The following SLIT3 variants were observed in gnomAD, a reference collection of about 807,000 sequenced individuals.
SLIT3 encodes the protein slit guidance ligand 3.
SLIT3 carries 68 observed loss-of-function variants against 184.0 expected under a neutral mutation model. The observed-to-expected ratio is 0.37, with a 90% CI of 0.30 to 0.45. The LOEUF is 0.45. SLIT3 is among the 20% of genes least tolerant of loss of function. The pLI is 1.00. For synonymous variants in SLIT3, 831 were observed against 828.6 expected (o/e 1.00, Z -0.05); for missense variants, 1,707 against 2,026.0 (o/e 0.84, Z 3.02).
rs35305517 is a variant in SLIT3 at position 168,685,922 on chromosome 5, G to A, written c.3320C>T (p.Pro1107Leu). ...CATGGGTGGGGGGTGTTCACAGAAG[G>A]GTCCACTGGAAGGCAGGAGAGAATG... ...TCTCPQGFSG[P>L]FCEHPPPMVL... The change falls in exon 31 of 36, where the codon CCC (proline) becomes CTC (leucine). Residue 1107 changes from proline (P) to leucine (L), a missense_variant. Around this residue, in one of 3 missense-constraint regions of SLIT3, gnomAD observed 1,307 missense variants for 1,511.6 expected, o/e 0.86. Transcript: ENST00000519560. 1 of 1,608,156 alleles carries A rather than the reference G, an allele frequency of 6.2e-7. No homozygotes were observed.
intron 23 of SLIT3, among the ~76,000 whole-genome samples, chr5:168,721,526 C>T (rs530343337): frequency 5.9e-5 from 9 of 152,190 alleles, no homozygotes; most frequent in East Asian, 1.9e-4. Flanking sequence ...GCCAGGCAGG[C>T]GAGGAGAGTG....
chr5:168,815,606 G>A (rs1172980911), intron 8 of SLIT3, among the ~76,000 whole-genome samples: 1 of 152,246 alleles, frequency 6.6e-6, no homozygotes, highest in Admixed American at 6.5e-5. Flanking sequence ...TGATTTCTAA[G>A]TGGGTGTCTA....
At chr5:168,721,947 A>C (rs1367197268) in intron 23 of SLIT3, among the ~76,000 whole-genome samples, 1 of 152,188 alleles carries the variant, frequency 6.6e-6, no homozygotes, top group Non-Finnish European at 1.5e-5. Flanking sequence ...AGGGTAGAAT[A>C]CAATTGCATA....
At chr5:168,780,548 C>A (rs1332646950) in intron 12 of SLIT3, among the ~76,000 whole-genome samples, 1 of 152,184 alleles carries the variant, frequency 6.6e-6, no homozygotes, top group Non-Finnish European at 1.5e-5. Flanking sequence ...TATGAAGGCT[C>A]TTTGTTATTT....
chr5:168,895,917 C>A (rs1431169525), intron 4 of SLIT3, among the ~76,000 whole-genome samples: 2 of 152,206 alleles, frequency 1.3e-5, no homozygotes, highest in Non-Finnish European at 2.9e-5. Flanking sequence ...TGGGAGGACC[C>A]AATGAACTGC....
intron 3 of SLIT3, among the ~76,000 whole-genome samples, chr5:169,234,775 G>A (rs1765136125): frequency 6.6e-6 from 1 of 152,168 alleles, no homozygotes; most frequent in Non-Finnish European, 1.5e-5. Flanking sequence ...GTTCTTGAAT[G>A]TTCATAATAG....
intron 4 of SLIT3, among the ~76,000 whole-genome samples, chr5:168,972,361 G>GTGTGTGTGTGTGTGTGTGTGTT (rs1362644183): frequency 6.6e-6 from 1 of 151,150 alleles, no homozygotes; most frequent in African/African-American, 2.4e-5. Context: ...GTGTGTGTGT[G>GTGTGTGTGTGTGTGTGTGTGTT]TGTGTGTGTG....
chr5:168,712,375 C>G, intron 23 of SLIT3, 21 bp from the exon 24 acceptor site: 1 of 1,611,988 alleles, frequency 6.2e-7, no homozygotes, highest in Non-Finnish European at 8.5e-7. Flanking sequence ...GGGCACAGGT[C>G]GGAAGGTTAG....
intron 4 of SLIT3, among the ~76,000 whole-genome samples, chr5:168,905,155 G>C (rs1331520080): frequency 6.6e-6 from 1 of 151,028 alleles, no homozygotes; most frequent in East Asian, 2.0e-4. Context: ...CCAGCCTGGG[G>C]ACAGAGCGAG....
At chr5:169,067,860 C>A (rs1221469189) in intron 4 of SLIT3, among the ~76,000 whole-genome samples, 2 of 152,202 alleles carry the variant, frequency 1.3e-5, no homozygotes, top group African/African-American at 4.8e-5. Context: ...GAAAAAGAGA[C>A]AGGCTTAGGC....
intron 5 of SLIT3, among the ~76,000 whole-genome samples, chr5:168,862,799 C>T (rs542217383): frequency 2.0e-5 from 3 of 152,066 alleles, no homozygotes; most frequent in Admixed American, 6.5e-5. Flanking sequence ...TTCAGCTTCC[C>T]GAGTAGCTGG....
At position 168,996,819 on chromosome 5, in the gene SLIT3, C is replaced by T. The variant is rs572800808; in HGVS notation, c.414-113483G>A. On this transcript the variant is annotated intron_variant, in intron 4 of 35. Coordinates refer to ENST00000519560, the MANE Select transcript of SLIT3 (RefSeq NM_003062.4). ...CAGCTACCAATATTTTTACGGCTTC[C>T]GCTGGGATGCAAAAGCAAGTGAGTC... Among the ~76,000 whole-genome samples the T allele has an allele frequency of 9.9e-5, 15 of 152,284 alleles. No individual in the cohort carries two copies. The South Asian group carries it at 1.2e-3, about 13-fold the overall frequency.
chr5:168,715,929 C>G (rs987637445), intron 23 of SLIT3, among the ~76,000 whole-genome samples: 3 of 151,956 alleles, frequency 2.0e-5, no homozygotes, highest in Non-Finnish European at 1.5e-5. Flanking sequence ...GCCTTGGCCC[C>G]CCAAAGTGCT....
intron 3 of SLIT3, among the ~76,000 whole-genome samples, chr5:169,236,505 C>G (rs1425029730): frequency 6.6e-6 from 1 of 151,276 alleles, no homozygotes; most frequent in Non-Finnish European, 1.5e-5. Context: ...CTGAATCTCC[C>G]TGTCACCCAG....
At chr5:168,837,736 C>T (rs1019584888) in intron 6 of SLIT3, among the ~76,000 whole-genome samples, 2 of 152,192 alleles carry the variant, frequency 1.3e-5, no homozygotes, top group South Asian at 4.1e-4. Flanking sequence ...AAGTATTTAC[C>T]AGCTTTACTT....
intron 6 of SLIT3, among the ~76,000 whole-genome samples, chr5:168,828,658 C>CAAAAAAAAAAAAAAAAAAAA (rs56974958): frequency 1.0e-4 from 10 of 97,120 alleles, no homozygotes; most frequent in Admixed American, 3.3e-4. Context: ...GATCCTGACT[C>CAAAAAAAAAAAAAAAAAAAA]AAAAAAAAAA....
At chr5:168,968,773 T>A (rs1423596068) in intron 4 of SLIT3, among the ~76,000 whole-genome samples, 1 of 152,178 alleles carries the variant, frequency 6.6e-6, no homozygotes, top group Non-Finnish European at 1.5e-5. Context: ...ATGATCTACA[T>A]GAAACTCAGG....
intron 4 of SLIT3, among the ~76,000 whole-genome samples, chr5:168,982,304 G>T (rs1232769575): frequency 6.6e-6 from 1 of 152,156 alleles, no homozygotes; most frequent in African/African-American, 2.4e-5. Flanking sequence ...AGTGGGACTG[G>T]TGGCTTTATA....
At chr5:168,881,470 A>G (rs191693874) in intron 5 of SLIT3, among the ~76,000 whole-genome samples, 6 of 152,224 alleles carry the variant, frequency 3.9e-5, no homozygotes, top group African/African-American at 7.2e-5. Context: ...TAATGGATCC[A>G]TTTAAAATTA....
Sources: gnomAD v4.1 joint callset for allele counts (sites outside exome capture counted in the v4.1 genomes callset) on GRCh38, gnomAD v4.1.1 for gene constraint, gnomAD v4.1.1 regional missense constraint, MANE v1.5 for transcripts, NCBI Gene and HGNC (gene_info 2026-07-23, HGNC 2026-07-21) for gene names.